The following GRAMD4 variants were observed in gnomAD, a reference collection of about 807,000 sequenced individuals.
GRAMD4 encodes the protein GRAM domain-containing protein 4.
In GRAMD4, 25 loss-of-function variants were observed where a neutral mutation model predicts 83.9. The ratio of observed to expected loss-of-function variants is 0.30; its 90% CI spans 0.22 to 0.42. The LOEUF (loss-of-function observed/expected upper bound fraction) is 0.42, where lower values mean the gene tolerates loss of function less well. Ranked by LOEUF, GRAMD4 falls within the 10% of genes least tolerant of loss-of-function variation. The pLI, the probability that GRAMD4 is intolerant of heterozygous loss-of-function variation, is 1.00. For synonymous variants in GRAMD4, 336 were observed against 320.9 expected (o/e 1.05, Z -0.50); for missense variants, 593 against 788.7 (o/e 0.75, Z 2.97).
At chr22:46,626,575 G>C (rs555715402) in intron 1 of GRAMD4, among the ~76,000 whole-genome samples, 176 bp from the exon 2 acceptor site, 23 of 146,366 alleles carry the variant, frequency 1.6e-4, no homozygotes, top group African/African-American at 6.4e-4. Context: ...CGTGCCCTGC[G>C]TGTGGGAGCT....
chr22:46,603,929 C>A (rs1056746829), intron 1 of GRAMD4, among the ~76,000 whole-genome samples: 1 of 152,174 alleles, frequency 6.6e-6, no homozygotes, highest in South Asian at 2.1e-4. Context: ...TTTCCTTGTT[C>A]TGCATTCAAA....
At chr22:46,638,300 T>G (rs2081922411) in intron 3 of GRAMD4, among the ~76,000 whole-genome samples, 1 of 152,220 alleles carries the variant, frequency 6.6e-6, no homozygotes, top group South Asian at 2.1e-4. Flanking sequence ...TGTAATTATT[T>G]TAGTGAATTG....
intron 1 of GRAMD4, among the ~76,000 whole-genome samples, chr22:46,624,752 G>T (rs2081628926): frequency 6.6e-6 from 1 of 152,184 alleles, no homozygotes; most frequent in Non-Finnish European, 1.5e-5. Context: ...CCTATGAGCA[G>T]CAGTTGCTAC....
At chr22:46,589,012 T>A (rs939111540) in intron 1 of GRAMD4, among the ~76,000 whole-genome samples, 3 of 151,896 alleles carry the variant, frequency 2.0e-5, no homozygotes, top group South Asian at 2.1e-4. Flanking sequence ...AGCTCGTAAC[T>A]GTGGCGCTGG....
chr22:46,584,908 C>T (rs1008130212), intron 1 of GRAMD4, among the ~76,000 whole-genome samples: 1 of 152,212 alleles, frequency 6.6e-6, no homozygotes, highest in African/African-American at 2.4e-5. Context: ...GCCGGCGGGA[C>T]GCTTTAGAGC....
intron 1 of GRAMD4, among the ~76,000 whole-genome samples, chr22:46,591,853 C>A (rs12484205): frequency 0.22 from 22,145 of 99,058 alleles, 3,631 homozygotes; most frequent in East Asian, 0.59. Flanking sequence ...AAAAAAAAAA[C>A]CCAGAAAGGC....
intron 3 of GRAMD4, among the ~76,000 whole-genome samples, chr22:46,645,931 G>A (rs912369024): frequency 1.3e-5 from 2 of 152,228 alleles, no homozygotes; most frequent in Non-Finnish European, 2.9e-5. Context: ...AGATTCCCCA[G>A]GGTTGTAAGG....
At chr22:46,583,278 CAG>C (rs1282919958) in intron 1 of GRAMD4, among the ~76,000 whole-genome samples, 18 of 152,338 alleles carry the variant, frequency 1.2e-4, no homozygotes, top group African/African-American at 4.3e-4. Context: ...AGAGATAATA[CAG>C]AGTTTCCCAA....
intron 2 of GRAMD4, among the ~76,000 whole-genome samples, chr22:46,630,788 C>T (rs1306004101): frequency 2.6e-5 from 4 of 152,338 alleles, no homozygotes; most frequent in Admixed American, 6.5e-5. Flanking sequence ...ATGTGGGCTG[C>T]GGCACTTTTG....
chr22:46,612,129 G>T (rs1295018915), intron 1 of GRAMD4, among the ~76,000 whole-genome samples: 1 of 149,668 alleles, frequency 6.7e-6, no homozygotes, highest in Non-Finnish European at 1.5e-5. Context: ...TCAGTCTTCT[G>T]AGAAGCTGGG....
At chr22:46,632,012 C>T (rs1288796176) in intron 2 of GRAMD4, among the ~76,000 whole-genome samples, 3 of 152,260 alleles carry the variant, frequency 2.0e-5, no homozygotes, top group South Asian at 4.1e-4. Context: ...ACCCTTACGG[C>T]GTGTGTCTTT....
chr22:46,617,054 C>T (rs1328529752), upstream of GRAMD4, among the ~76,000 whole-genome samples: 1 of 137,482 alleles, frequency 7.3e-6, no homozygotes, highest in African/African-American at 2.8e-5. Context: ...GTGTGGGTTC[C>T]CCCGTGTGTA....
intron 1 of GRAMD4, among the ~76,000 whole-genome samples, chr22:46,597,968 G>T (rs1004065344): frequency 1.1e-4 from 16 of 151,496 alleles, no homozygotes; most frequent in African/African-American, 3.6e-4. Context: ...TTAGGTTTTG[G>T]CATTGGCGGC....
chr22:46,644,723 T>G (rs1366400439), intron 3 of GRAMD4, among the ~76,000 whole-genome samples: 4 of 136,166 alleles, frequency 2.9e-5, no homozygotes, highest in East Asian at 2.1e-4. Flanking sequence ...TTTTTTTTTT[T>G]TTTTTTTTTT....
chr22:46,645,269 C>A (rs1010140481), intron 3 of GRAMD4, among the ~76,000 whole-genome samples: 1 of 152,146 alleles, frequency 6.6e-6, no homozygotes, highest in South Asian at 2.1e-4. Flanking sequence ...GTCCCATTCT[C>A]ACTCCCATCT....
intron 3 of GRAMD4, among the ~76,000 whole-genome samples, chr22:46,647,121 C>T (rs1252005356): frequency 6.6e-6 from 1 of 152,154 alleles, no homozygotes; most frequent in African/African-American, 2.4e-5. Context: ...CAGGGCCAGA[C>T]ACTGGGTTGG....
At chr22:46,600,035 TG>T (rs2081297660) in intron 1 of GRAMD4, among the ~76,000 whole-genome samples, 1 of 152,202 alleles carries the variant, frequency 6.6e-6, no homozygotes, top group Non-Finnish European at 1.5e-5. Context: ...GCTGGTTATT[TG>T]TCAAAGGGTC....
At position 46,678,873 on chromosome 22, in the gene GRAMD4, A is replaced by C; in HGVS notation, c.*1622A>C. On this transcript the variant is annotated 3_prime_UTR_variant, in exon 19 of 19. Transcript: ENST00000406902. ...GATCACCAGATTAAGCACATGTCCT[A>C]TCCCAGGCGGTGGAGCGGAGCCCCC... 1 of 985,926 alleles carries C rather than the reference A, an allele frequency of 1.0e-6. No individual in the cohort carries two copies. The highest frequency in any genetic ancestry group is 1.2e-6 in the Non-Finnish European group (1 of 829,982). 61.1% of individuals were successfully genotyped at this position (985,926 alleles called of 1,614,324 possible).
chr22:46,601,301 G>T (rs899894571), intron 1 of GRAMD4, among the ~76,000 whole-genome samples: 2 of 152,090 alleles, frequency 1.3e-5, no homozygotes, highest in Non-Finnish European at 2.9e-5. Flanking sequence ...GGCAAGTGTG[G>T]GAAAGGCAAG....
Sources: allele counts gnomAD v4.1 joint callset (sites outside exome capture counted in the v4.1 genomes callset), GRCh38; gene constraint gnomAD v4.1.1; transcripts MANE v1.5; gene names NCBI Gene and HGNC (gene_info 2026-07-23, HGNC 2026-07-21).